KCNN2: variants seen among roughly 807,000 people sequenced by gnomAD.
KCNN2 encodes the protein small conductance calcium-activated potassium channel protein 2.
KCNN2 carries 24 observed loss-of-function variants against 55.5 expected under a neutral mutation model. That is an observed-to-expected ratio of 0.43 (90% CI 0.31 to 0.61). KCNN2 has a LOEUF of 0.61. Ranked by LOEUF, KCNN2 falls within the 20% of genes least tolerant of loss-of-function variation. The probability of loss-of-function intolerance (pLI) is 0.08; values close to 1 mark genes in which losing one functional copy is unlikely to be tolerated. For synonymous variants in KCNN2, 431 were observed against 336.1 expected (o/e 1.28, Z -3.09); for missense variants, 754 against 853.6 (o/e 0.88, Z 1.45).
intron 2 of KCNN2, among the ~76,000 whole-genome samples, chr5:114,225,218 C>T (rs1020957085): frequency 6.6e-6 from 1 of 152,140 alleles, no homozygotes; most frequent in Non-Finnish European, 1.5e-5. Flanking sequence ...ATTTAAAGAT[C>T]TCATTAATTA....
chr5:114,443,159 C>T (rs1039322116), intron 3 of KCNN2, among the ~76,000 whole-genome samples: 2 of 151,784 alleles, frequency 1.3e-5, no homozygotes, highest in African/African-American at 2.4e-5. Context: ...GGCGTGGTGG[C>T]GCGTGCCTGT....
chr5:114,196,112 C>G (rs568817614), intron 1 of KCNN2, among the ~76,000 whole-genome samples: 3 of 151,824 alleles, frequency 2.0e-5, no homozygotes, highest in African/African-American at 4.8e-5. Flanking sequence ...AAATATAAGC[C>G]TTTATTGTGA....
At chr5:114,273,178 C>T (rs1580681301) in intron 2 of KCNN2, among the ~76,000 whole-genome samples, 1 of 152,184 alleles carries the variant, frequency 6.6e-6, no homozygotes, top group Non-Finnish European at 1.5e-5. Flanking sequence ...TTTCCAGCTT[C>T]ATCCATGTCC....
chr5:114,493,559 C>A, intron 7 of KCNN2, 87 bp downstream of exon 7: 1 of 895,968 alleles, frequency 1.1e-6, no homozygotes, highest in South Asian at 1.4e-5. Flanking sequence ...TCAAGAGGAT[C>A]CCAACCCAAA....
intron 3 of KCNN2, among the ~76,000 whole-genome samples, chr5:114,450,119 G>C (rs766833540): frequency 4.6e-5 from 7 of 152,200 alleles, no homozygotes; most frequent in African/African-American, 9.7e-5. Flanking sequence ...CTGAGGTGCC[G>C]TGCATCCGTC....
At chr5:114,170,777 A>G (rs976220276) in intron 1 of KCNN2, among the ~76,000 whole-genome samples, 1 of 151,782 alleles carries the variant, frequency 6.6e-6, no homozygotes. Context: ...ATCTCCTTTT[A>G]AGCTTTATAT....
At chr5:114,140,430 A>C (rs1216424967) in intron 1 of KCNN2, among the ~76,000 whole-genome samples, 1 of 152,184 alleles carries the variant, frequency 6.6e-6, no homozygotes, top group African/African-American at 2.4e-5. Context: ...ACTTTGACAT[A>C]AAAGCAATGT....
In KCNN2 at chr5:114,496,450, TTAC is replaced by T. The variant is rs1421913325; in HGVS notation, c.*275_*277del. On this transcript the variant is annotated 3_prime_UTR_variant, in exon 8 of 8. Transcript: ENST00000673685. ...TTTATTCATGCACTTCAAACAAACT[TTAC>T]TACTACATTATATGATATATAATAA... 2.4e-5 allele frequency: 9 copies of T among 373,450 alleles called. No individual in the cohort carries two copies. Among genetic ancestry groups the T allele is most frequent in the East Asian group, 4.6e-5 (1 of 21,630 alleles). 23.1% of individuals were successfully genotyped at this position (373,450 alleles called of 1,614,324 possible).
intron 2 of KCNN2, among the ~76,000 whole-genome samples, chr5:114,340,470 AT>A (rs1237036385): frequency 1.3e-5 from 2 of 152,292 alleles, no homozygotes; most frequent in African/African-American, 4.8e-5. Context: ...CCTTTGGTTA[AT>A]TTACTTTTTC....
At chr5:114,249,032 T>G (rs2112624258) in intron 2 of KCNN2, among the ~76,000 whole-genome samples, 1 of 152,310 alleles carries the variant, frequency 6.6e-6, no homozygotes, top group South Asian at 2.1e-4. Flanking sequence ...ATATTGTCCC[T>G]TTCAGATTTA....
At chr5:114,364,404 A>G (rs1757540733) in intron 2 of KCNN2, among the ~76,000 whole-genome samples, 1 of 152,148 alleles carries the variant, frequency 6.6e-6, no homozygotes, top group Non-Finnish European at 1.5e-5. Context: ...CTATCTATAT[A>G]ATCTTCTGTA....
chr5:114,209,905 T>A (rs749471026), intron 1 of KCNN2, among the ~76,000 whole-genome samples: 1 of 150,392 alleles, frequency 6.6e-6, no homozygotes, highest in Non-Finnish European at 1.5e-5. Context: ...ATTCACCTAC[T>A]CACTAAAATT....
intron 1 of KCNN2, among the ~76,000 whole-genome samples, chr5:114,160,513 A>G (rs202080965): frequency 0.82 from 123,921 of 151,406 alleles, 51,685 homozygotes; most frequent in East Asian, 0.94. Context: ...GTAGATGTCT[A>G]TTAGGTCCAC....
intron 2 of KCNN2, among the ~76,000 whole-genome samples, chr5:114,285,707 C>T (rs1181961673): frequency 6.6e-6 from 1 of 152,034 alleles, no homozygotes; most frequent in Non-Finnish European, 1.5e-5. Flanking sequence ...CTGTTTCAGT[C>T]CTCCAGGTAA....
At chr5:114,192,823 C>T (rs1168386628) in intron 1 of KCNN2, among the ~76,000 whole-genome samples, 2 of 152,070 alleles carry the variant, frequency 1.3e-5, no homozygotes, top group African/African-American at 4.8e-5. Context: ...GCTACAAAAT[C>T]CTCTAAGCTT....
At chr5:114,060,492 A>AT (rs531312665) in intron 1 of KCNN2, among the ~76,000 whole-genome samples, 47 of 151,980 alleles carry the variant, frequency 3.1e-4, no homozygotes, top group African/African-American at 8.5e-4. Flanking sequence ...AAAATGAAGA[A>AT]TTTTTTTTGC....
chr5:114,460,976 G>A (rs561452401), intron 3 of KCNN2, among the ~76,000 whole-genome samples: 2 of 152,148 alleles, frequency 1.3e-5, no homozygotes, highest in Admixed American at 6.6e-5. Flanking sequence ...TGTATTTCCT[G>A]TTTTAGGAAA....
intron 3 of KCNN2, among the ~76,000 whole-genome samples, chr5:114,426,337 A>G (rs1759623879): frequency 6.6e-6 from 1 of 152,182 alleles, no homozygotes; most frequent in South Asian, 2.1e-4. Context: ...TCCTGTCATA[A>G]ATCCTACTTG....
At chr5:114,450,879 C>G (rs543308190) in intron 3 of KCNN2, among the ~76,000 whole-genome samples, 2 of 152,128 alleles carry the variant, frequency 1.3e-5, no homozygotes, top group African/African-American at 4.8e-5. Flanking sequence ...ATAACAAAAA[C>G]CTGTTTATAA....
Sources: gnomAD v4.1 joint callset for allele counts (sites outside exome capture counted in the v4.1 genomes callset) on GRCh38, gnomAD v4.1.1 for gene constraint, MANE v1.5 for transcripts, NCBI Gene and HGNC (gene_info 2026-07-23, HGNC 2026-07-21) for gene names.